The following AGBL4 variants were observed in gnomAD, a reference collection of about 807,000 sequenced individuals.
AGBL4 encodes the protein cytosolic carboxypeptidase 6.
In AGBL4, 58 loss-of-function variants were observed where a neutral mutation model predicts 66.4. The observed-to-expected ratio is 0.87, with a 90% CI of 0.71 to 1.09. The LOEUF (loss-of-function observed/expected upper bound fraction) is 1.09. Among genes scored for constraint, AGBL4 ranks in the 50% least tolerant of loss-of-function variants. AGBL4 has a pLI of 0.00. For missense variants in AGBL4, 579 were observed against 631.0 expected (o/e 0.92, Z 0.88); for synonymous variants, 234 against 222.9 (o/e 1.05, Z -0.44).
intron 3 of AGBL4, among the ~76,000 whole-genome samples, chr1:49,661,874 A>T (rs1646276147): frequency 6.6e-6 from 1 of 152,092 alleles, no homozygotes; most frequent in African/African-American, 2.4e-5. Flanking sequence ...AAATGTCCAT[A>T]CCAGCCTTCT....
At chr1:49,227,806 A>G (rs1650023498) in intron 4 of AGBL4, among the ~76,000 whole-genome samples, 1 of 152,148 alleles carries the variant, frequency 6.6e-6, no homozygotes, top group Non-Finnish European at 1.5e-5. Flanking sequence ...CAATCACTCA[A>G]TATTCATGGC....
chr1:49,063,783 G>A (rs1644444117), intron 4 of AGBL4, among the ~76,000 whole-genome samples: 1 of 152,212 alleles, frequency 6.6e-6, no homozygotes, highest in African/African-American at 2.4e-5. Context: ...GAGTAGGCCT[G>A]TTGGATTTCT....
intron 6 of AGBL4, among the ~76,000 whole-genome samples, chr1:48,838,270 C>T (rs1292839986): frequency 1.3e-5 from 2 of 152,110 alleles, no homozygotes; most frequent in Non-Finnish European, 2.9e-5. Context: ...GGAGGCATCA[C>T]ATTACCTGAC....
At chr1:49,321,925 C>T (rs752255147) in intron 3 of AGBL4, among the ~76,000 whole-genome samples, 2 of 152,242 alleles carry the variant, frequency 1.3e-5, no homozygotes, top group Non-Finnish European at 2.9e-5. Context: ...TTCTTTTCTC[C>T]CACTGTTGTG....
chr1:48,590,522 C>A (rs894564125), intron 10 of AGBL4, among the ~76,000 whole-genome samples: 19 of 152,026 alleles, frequency 1.2e-4, no homozygotes, highest in African/African-American at 4.1e-4. Flanking sequence ...TACCACTGCA[C>A]CCCGGCCTGA....
intron 4 of AGBL4, among the ~76,000 whole-genome samples, chr1:49,127,421 C>T (rs551802013): frequency 6.6e-6 from 1 of 152,188 alleles, no homozygotes; most frequent in Non-Finnish European, 1.5e-5. Flanking sequence ...ACCTGTTCCT[C>T]AAAAACGTAT....
At chr1:49,576,110 G>A (rs1644431660) in intron 3 of AGBL4, among the ~76,000 whole-genome samples, 1 of 152,184 alleles carries the variant, frequency 6.6e-6, no homozygotes, top group East Asian at 1.9e-4. Flanking sequence ...TCCCTTTAAG[G>A]TGAATGATAA....
chr1:49,622,357 C>T (rs933407149), intron 3 of AGBL4, among the ~76,000 whole-genome samples: 4 of 152,198 alleles, frequency 2.6e-5, no homozygotes, highest in Admixed American at 2.0e-4. Context: ...TGGCCGGGCG[C>T]GGTGGCTCAC....
rs568719320 is a variant in AGBL4 at position 49,921,136 on chromosome 1, C to T, written c.35-69618G>A. On this transcript the variant is annotated intron_variant, in intron 1 of 13. Transcript: ENST00000371839. The stretch of plus-strand genomic sequence containing the variant: ...GGACAGCATTAGGAGATATACCTAA[C>T]GTAAATGATGAGTTAATGGGTGCAG... Among the ~76,000 whole-genome samples, 497 of 151,892 alleles carry T rather than the reference C, an allele frequency of 3.3e-3. 1 individual carries two copies. The highest frequency in any genetic ancestry group is 6.8e-3 in the Middle Eastern group (2 of 294).
chr1:48,900,820 T>G (rs1235094083), intron 5 of AGBL4, among the ~76,000 whole-genome samples: 1 of 152,050 alleles, frequency 6.6e-6, no homozygotes, highest in Non-Finnish European at 1.5e-5. Context: ...TAACCTTAGA[T>G]TAGGGAAAGA....
intron 3 of AGBL4, among the ~76,000 whole-genome samples, chr1:49,654,548 G>A (rs1467204033): frequency 1.3e-5 from 2 of 152,138 alleles, no homozygotes; most frequent in Non-Finnish European, 2.9e-5. Context: ...TTATTATTGT[G>A]TGGGAGTCTA....
intron 9 of AGBL4, among the ~76,000 whole-genome samples, chr1:48,617,893 A>G (rs1212154277): frequency 6.6e-6 from 1 of 152,156 alleles, no homozygotes; most frequent in Non-Finnish European, 1.5e-5. Context: ...TAAAAAGGTA[A>G]AAGAGGGAAA....
chr1:48,981,059 T>C (rs1447943906), intron 5 of AGBL4, among the ~76,000 whole-genome samples: 1 of 152,066 alleles, frequency 6.6e-6, no homozygotes, highest in Admixed American at 6.6e-5. Flanking sequence ...GTACAAATGC[T>C]GTGAATGTCC....
At chr1:49,030,958 G>T (rs925450886) in intron 5 of AGBL4, among the ~76,000 whole-genome samples, 1 of 152,028 alleles carries the variant, frequency 6.6e-6, no homozygotes, top group Non-Finnish European at 1.5e-5. Flanking sequence ...TGGAGAAAGG[G>T]AAGATGTTGG....
At chr1:48,770,800 T>A (rs1644783185) in intron 6 of AGBL4, among the ~76,000 whole-genome samples, 1 of 152,204 alleles carries the variant, frequency 6.6e-6, no homozygotes, top group Non-Finnish European at 1.5e-5. Flanking sequence ...ACCAGTCAGT[T>A]ACTAAGTCCC....
intron 2 of AGBL4, among the ~76,000 whole-genome samples, chr1:49,712,094 A>C (rs1304746908): frequency 6.6e-6 from 1 of 152,012 alleles, no homozygotes; most frequent in Non-Finnish European, 1.5e-5. Flanking sequence ...AATTATAGTT[A>C]TGCCATATAA....
intron 11 of AGBL4, among the ~76,000 whole-genome samples, chr1:48,567,918 C>T (rs1313696437): frequency 1.3e-5 from 2 of 152,152 alleles, no homozygotes; most frequent in Non-Finnish European, 2.9e-5. Context: ...CACTCCAGGC[C>T]TTGTGAGGCT....
At chr1:50,011,020 T>C (rs1661492130) in intron 1 of AGBL4, among the ~76,000 whole-genome samples, 1 of 152,014 alleles carries the variant, frequency 6.6e-6, no homozygotes, top group African/African-American at 2.4e-5. Flanking sequence ...AATCAACAAA[T>C]TTAAGAGACA....
At chr1:49,396,548 G>GA (rs2148603158) in intron 3 of AGBL4, among the ~76,000 whole-genome samples, 2 of 152,138 alleles carry the variant, frequency 1.3e-5, no homozygotes, top group South Asian at 4.1e-4. Context: ...GCAAAAATAT[G>GA]AAAAAATAAA....
Sources: allele counts gnomAD v4.1 joint callset (sites outside exome capture counted in the v4.1 genomes callset), GRCh38; gene constraint gnomAD v4.1.1; transcripts MANE v1.5; gene names NCBI Gene and HGNC (gene_info 2026-07-23, HGNC 2026-07-21).